The following LPP variants were observed in gnomAD, a reference collection of about 807,000 sequenced individuals.
LPP encodes the protein LIM domain containing preferred translocation partner in lipoma.
LPP carries 38 observed loss-of-function variants against 60.4 expected under a neutral mutation model. The ratio of observed to expected loss-of-function variants is 0.63; its 90% confidence interval spans 0.49 to 0.83. LPP has a LOEUF of 0.83. LPP is among the 40% of genes least tolerant of loss of function. The probability of loss-of-function intolerance (pLI) is 0.00; values close to 1 mark genes in which losing one functional copy is unlikely to be tolerated. For synonymous variants in LPP, 328 were observed against 290.8 expected (o/e 1.13, Z -1.30); for missense variants, 902 against 783.6 (o/e 1.15, Z -1.80).
At chr3:188,795,510 A>G (rs938100115) in intron 9 of LPP, among the ~76,000 whole-genome samples, 2 of 152,188 alleles carry the variant, frequency 1.3e-5, no homozygotes, top group Non-Finnish European at 2.9e-5. Flanking sequence ...CAGTGGTGGG[A>G]TGGTTACAGT....
chr3:188,319,048 G>A (rs552598396), intron 2 of LPP, among the ~76,000 whole-genome samples: 7 of 152,186 alleles, frequency 4.6e-5, no homozygotes, highest in South Asian at 2.1e-4. Flanking sequence ...GTGAGCCACC[G>A]CGCCCGGCCA....
chr3:188,834,971 C>T (rs535112138), intron 9 of LPP, among the ~76,000 whole-genome samples: 44 of 152,274 alleles, frequency 2.9e-4, no homozygotes, highest in African/African-American at 1.0e-3. Flanking sequence ...GAGAGAGGAA[C>T]GACCTCTGAA....
intron 8 of LPP, among the ~76,000 whole-genome samples, chr3:188,732,623 C>G (rs191613370): frequency 3.8e-4 from 55 of 145,446 alleles, no homozygotes; most frequent in African/African-American, 1.2e-3. Context: ...GAGGCTGAGA[C>G]AGGAGAATCG....
chr3:188,269,388 C>A (rs1251396434), intron 2 of LPP, among the ~76,000 whole-genome samples: 1 of 152,122 alleles, frequency 6.6e-6, no homozygotes, highest in East Asian at 1.9e-4. Context: ...TTAAGTATTA[C>A]CTGGCTGGTG....
At chr3:188,635,623 A>G (rs1183913289) in intron 7 of LPP, among the ~76,000 whole-genome samples, 1 of 152,204 alleles carries the variant, frequency 6.6e-6, no homozygotes, top group Non-Finnish European at 1.5e-5. Context: ...TCAGCATCTC[A>G]GCTCTCATTC....
intron 6 of LPP, among the ~76,000 whole-genome samples, chr3:188,575,856 A>G (rs568744480): frequency 6.6e-6 from 1 of 152,218 alleles, no homozygotes; most frequent in Non-Finnish European, 1.5e-5. Flanking sequence ...ATTCTCATCT[A>G]TTCTATCAAG....
chr3:188,869,094 G>A lies in LPP; in HGVS notation c.1589+2716G>A, dbSNP rs182626965. Reference sequence around the variant, plus strand: ...CAAGAGTGTTTTAAGTGGGAAACAAGGAGATTCCTGGCAGAGGGAACAACT... The same window carrying A: ...CAAGAGTGTTTTAAGTGGGAAACAAAGAGATTCCTGGCAGAGGGAACAACT... On this transcript the variant is annotated intron_variant, in intron 10 of 11. Transcript: ENST00000617246. 2.3e-3 allele frequency among the ~76,000 whole-genome samples: 351 copies of A among 152,226 alleles called. 2 individuals are homozygous for A. The highest frequency in any genetic ancestry group is 8.2e-3 in the African/African-American group (341 of 41,530).
intron 9 of LPP, among the ~76,000 whole-genome samples, chr3:188,855,415 G>A (rs1763600700): frequency 6.6e-6 from 1 of 152,208 alleles, no homozygotes; most frequent in Non-Finnish European, 1.5e-5. Flanking sequence ...CTAAATTCAT[G>A]AAGTGATATC....
intron 7 of LPP, among the ~76,000 whole-genome samples, chr3:188,650,001 T>G (rs941659440): frequency 6.6e-6 from 1 of 152,222 alleles, no homozygotes; most frequent in African/African-American, 2.4e-5. Context: ...TATCTATCTA[T>G]CTATCCATCT....
intron 1 of LPP, among the ~76,000 whole-genome samples, chr3:188,203,576 T>TAA (rs1361900509): frequency 6.9e-5 from 7 of 101,704 alleles, no homozygotes; most frequent in African/African-American, 2.3e-4. Flanking sequence ...AATATATATT[T>TAA]AAATATATAT....
rs527934955 is a variant in LPP at position 188,211,859 on chromosome 3, C to T, written c.-189-13546C>T. Among the ~76,000 whole-genome samples, 12 of 151,008 alleles carry T rather than the reference C, an allele frequency of 7.9e-5. No individual in the cohort carries two copies. The South Asian group carries it at 2.5e-3, about 31-fold the overall frequency. The stretch of plus-strand genomic sequence containing the variant: ...TTTTTTTTTTTGAGAAGAAGTTTCA[C>T]TCTTATTGCCCAGGCTGACATGGAG... On this transcript the variant is annotated intron_variant, in intron 1 of 11. Coordinates refer to ENST00000617246, the MANE Select transcript of LPP (RefSeq NM_001375462.1).
chr3:188,299,666 G>T (rs1226199531), intron 2 of LPP, among the ~76,000 whole-genome samples: 1 of 152,066 alleles, frequency 6.6e-6, no homozygotes, highest in Non-Finnish European at 1.5e-5. Flanking sequence ...TTTGATTCTT[G>T]GTTCTTGTTT....
chr3:188,653,943 A>G (rs978604767), intron 7 of LPP, among the ~76,000 whole-genome samples: 6 of 152,294 alleles, frequency 3.9e-5, no homozygotes, highest in African/African-American at 1.4e-4. Flanking sequence ...CACCACTGCC[A>G]TTGCTTGGTG....
At position 188,879,595 on chromosome 3, in the gene LPP, G is replaced by A; in HGVS notation, c.*5116G>A. On this transcript the variant is annotated 3_prime_UTR_variant, in exon 12 of 12. Coordinates refer to ENST00000617246, the MANE Select transcript of LPP (RefSeq NM_001375462.1). The stretch of plus-strand genomic sequence containing the variant: ...TGTGACTGATCTAGTTTTCTCAGCT[G>A]TATGCAAAGTAATCTTTCAAAGACT... The A allele has an allele frequency of 5.3e-6, 1 of 189,314 alleles. No homozygotes were observed. The highest frequency in any genetic ancestry group is 1.1e-5 in the Non-Finnish European group (1 of 90,030). 11.7% of individuals were successfully genotyped at this position (189,314 alleles called of 1,614,324 possible). A position where few individuals can be genotyped will look rare whatever the true frequency, so the allele number is the denominator to read the frequency against.
rs1388948629 is a variant in LPP, at chr3:188,182,999, G to A, written c.-190+28747G>A. 8.3e-6 allele frequency among the ~76,000 whole-genome samples: 1 copy of A among 119,770 alleles called. No homozygotes were observed. The highest frequency in any genetic ancestry group is 8.5e-5 in the Admixed American group (1 of 11,756). 78.6% of individuals were successfully genotyped at this position (119,770 alleles called of 152,430 possible). Reference sequence around the variant, plus strand: ...GCATCCTATTGTACAGATGAGAAAGGTGAGGCCCAAAGAGGTCAATGAGCA... The same window carrying A: ...GCATCCTATTGTACAGATGAGAAAGATGAGGCCCAAAGAGGTCAATGAGCA... On this transcript the variant is annotated intron_variant, in intron 1 of 11. Transcript: ENST00000617246. This position sits in a 1 kb window ranked among gnomAD's most constrained non-coding sequence, Gnocchi z 4.4.
At chr3:188,722,523 CA>C (rs1716842216) in intron 8 of LPP, among the ~76,000 whole-genome samples, 1 of 152,158 alleles carries the variant, frequency 6.6e-6, no homozygotes, top group African/African-American at 2.4e-5. Flanking sequence ...TGACATGTGA[CA>C]TTTGTGCTCT....
intron 9 of LPP, among the ~76,000 whole-genome samples, chr3:188,767,951 T>C (rs1734679752): frequency 2.0e-5 from 3 of 152,130 alleles, no homozygotes; most frequent in Admixed American, 6.5e-5. Context: ...GGGATGATTT[T>C]TTGAAAAGAG....
chr3:188,800,524 C>T (rs909019234), intron 9 of LPP, among the ~76,000 whole-genome samples: 5 of 151,964 alleles, frequency 3.3e-5, no homozygotes, highest in South Asian at 4.1e-4. Context: ...GGATTACAGG[C>T]GTGAGCCACC....
chr3:188,603,841 T>A (rs28407970), intron 6 of LPP, among the ~76,000 whole-genome samples: 40,944 of 152,122 alleles, frequency 0.27, 6,112 homozygotes, highest in Non-Finnish European at 0.34. Context: ...CCTTTTGATA[T>A]TTTGTATATT....
Sources: allele counts gnomAD v4.1 joint callset (sites outside exome capture counted in the v4.1 genomes callset), GRCh38; gene constraint gnomAD v4.1.1; non-coding constraint Gnocchi (gnomAD v3.1); transcripts MANE v1.5; gene names NCBI Gene and HGNC (gene_info 2026-07-23, HGNC 2026-07-21).